SGCD: variants seen among roughly 807,000 people sequenced by gnomAD.
SGCD encodes the protein sarcoglycan delta.
In SGCD, 18 loss-of-function variants were observed where a neutral mutation model predicts 36.6. The ratio of observed to expected loss-of-function variants is 0.49; its 90% CI spans 0.34 to 0.73. The LOEUF is 0.73. Among genes scored for constraint, SGCD ranks in the 30% least tolerant of loss-of-function variants. The pLI is 0.01. For missense variants in SGCD, 387 were observed against 346.7 expected, an observed-to-expected ratio of 1.12 and a Z score of -0.92; for synonymous variants, 133 against 130.6, an observed-to-expected ratio of 1.02 and a Z score of -0.12.
Position 156,184,113 on chromosome 5 carries a change from G to A in SGCD, c.-44+60094G>A, listed in dbSNP as rs190101196. Reference sequence around the variant, plus strand: ...TACAGATGGGCCAAAATCATCTAACGTAAAGCCTGTTTTATAATAAAGTGT... The same window carrying A: ...TACAGATGGGCCAAAATCATCTAACATAAAGCCTGTTTTATAATAAAGTGT... On this transcript the variant is annotated intron_variant, in intron 3 of 9. Coordinates refer to the SGCD transcript ENST00000517913. Among the ~76,000 whole-genome samples the A allele has an allele frequency of 3.1e-3, 468 of 152,258 alleles. 1 individual carries two copies. The highest frequency in any genetic ancestry group is 0.014 in the Middle Eastern group (4 of 294).
the SGCD span, among the ~76,000 whole-genome samples, chr5:155,840,588 TTGTGTG>T: frequency 6.8e-6 from 1 of 146,978 alleles, no homozygotes; most frequent in Non-Finnish European, 1.5e-5. Flanking sequence ...TGCACCCGGC[TTGTGTG>T]TGTGTGTGTG....
intron 3 of SGCD, among the ~76,000 whole-genome samples, chr5:156,473,968 GT>G (rs113602671): frequency 0.054 from 7,817 of 144,174 alleles, 615 homozygotes; most frequent in African/African-American, 0.18. Flanking sequence ...TTGTGTGTGG[GT>G]TTTTTTTTTT....
chr5:156,239,206 A>G (rs1765240310), intron 3 of SGCD, among the ~76,000 whole-genome samples: 1 of 151,960 alleles, frequency 6.6e-6, no homozygotes. Context: ...TCAAGACCAG[A>G]CTGACCAACA....
chr5:155,953,538 A>G (rs1485601012), intron 1 of SGCD, among the ~76,000 whole-genome samples: 2 of 152,162 alleles, frequency 1.3e-5, no homozygotes, highest in Non-Finnish European at 2.9e-5. Context: ...TGCAAGCTCC[A>G]TGAGGCCAGT....
chr5:156,462,312 T>G (rs913514487), intron 3 of SGCD, among the ~76,000 whole-genome samples: 1 of 152,200 alleles, frequency 6.6e-6, no homozygotes, highest in African/African-American at 2.4e-5. Context: ...TATGTGCATG[T>G]ATATTTTTTT....
At chr5:156,447,954 GA>G in intron 3 of SGCD, among the ~76,000 whole-genome samples, 1 of 152,214 alleles carries the variant, frequency 6.6e-6, no homozygotes, top group Middle Eastern at 3.4e-3. Context: ...TACAGGAGGG[GA>G]AAATGAGGAT....
chr5:156,626,336 G>A (rs949302400), intron 6 of SGCD, among the ~76,000 whole-genome samples: 3 of 152,118 alleles, frequency 2.0e-5, no homozygotes, highest in African/African-American at 7.2e-5. Flanking sequence ...TGTAGTGCCC[G>A]GTGTCAGGCC....
intron 7 of SGCD, among the ~76,000 whole-genome samples, chr5:156,691,786 C>T (rs1754120552): frequency 1.3e-5 from 2 of 152,132 alleles, no homozygotes; most frequent in Non-Finnish European, 2.9e-5. Flanking sequence ...CCCCAGCAAC[C>T]GAATTAGCAT....
chr5:156,229,277 C>CATACATATATATATATATAT (rs1764942419), intron 3 of SGCD, among the ~76,000 whole-genome samples: 2 of 56,474 alleles, frequency 3.5e-5, no homozygotes, highest in East Asian at 3.0e-4. Flanking sequence ...TATATACATA[C>CATACATATATATATATATAT]ATATATATAT....
At chr5:156,574,356 TACAA>T (rs1759838679) in intron 4 of SGCD, among the ~76,000 whole-genome samples, 1 of 152,048 alleles carries the variant, frequency 6.6e-6, no homozygotes, top group Non-Finnish European at 1.5e-5. Context: ...AGTCCAGAGG[TACAA>T]ACATGATGCT....
chr5:155,946,541 T>G (rs1757440384), intron 1 of SGCD, among the ~76,000 whole-genome samples: 1 of 152,076 alleles, frequency 6.6e-6, no homozygotes. Flanking sequence ...TTAATGCAAA[T>G]AGGGTTGTGC....
chr5:156,482,321 T>C lies in SGCD; in HGVS notation c.193-26280T>C, dbSNP rs182791875. On this transcript the variant is annotated intron_variant, in intron 3 of 8. Transcript: ENST00000337851. ...ATGCTTAAATCTCCACTGTCCGATA[T>C]GGTAGCCACCAGCCACACACAGGAA... 1.1e-3 allele frequency among the ~76,000 whole-genome samples: 168 copies of C among 152,248 alleles called. 1 individual carries two copies. Among genetic ancestry groups the C allele is most frequent in the African/African-American group, 3.9e-3 (160 of 41,554 alleles).
At chr5:156,134,838 G>C (rs1762417538) in intron 3 of SGCD, among the ~76,000 whole-genome samples, 1 of 152,130 alleles carries the variant, frequency 6.6e-6, no homozygotes, top group Non-Finnish European at 1.5e-5. Flanking sequence ...AGAACTTGAA[G>C]TATAATAAAA....
At chr5:156,356,491 G>A (rs1769497085) in intron 3 of SGCD, among the ~76,000 whole-genome samples, 1 of 152,146 alleles carries the variant, frequency 6.6e-6, no homozygotes, top group African/African-American at 2.4e-5. Flanking sequence ...GAAGTGCATA[G>A]CATTGTTATG....
chr5:156,517,336 A>C (rs1361053079), intron 4 of SGCD, among the ~76,000 whole-genome samples: 3 of 152,198 alleles, frequency 2.0e-5, no homozygotes, highest in African/African-American at 7.2e-5. Flanking sequence ...GAACTATAGG[A>C]TTATGTAAAA....
the SGCD span, among the ~76,000 whole-genome samples, chr5:155,784,640 CTTTTTTTTTT>C: frequency 7.4e-6 from 1 of 134,568 alleles, no homozygotes; most frequent in Non-Finnish European, 1.6e-5. Context: ...GTAAGAGCTC[CTTTTTTTTTT>C]TTTTTTCCAT....
chr5:155,808,980 A>G, the SGCD span, among the ~76,000 whole-genome samples: 1 of 152,224 alleles, frequency 6.6e-6, no homozygotes, highest in Non-Finnish European at 1.5e-5. Context: ...TTTTCATTGC[A>G]TTAGCTACTG....
chr5:156,070,975 A>C (rs193025273), intron 1 of SGCD, among the ~76,000 whole-genome samples: 779 of 152,158 alleles, frequency 5.1e-3, no homozygotes, highest in Non-Finnish European at 7.0e-3. Context: ...ATCAGTGTTG[A>C]TATCCCCTTT....
Position 156,280,854 on chromosome 5 carries a change from G to C in SGCD, c.-43-48680G>C, listed in dbSNP as rs1766436038. ...TTCCTTTAATGCAGAGAATTTTTTA[G>C]AGTGAATTAGTTTTCCCACTGCATT... On this transcript the variant is annotated intron_variant, in intron 3 of 9. Coordinates refer to the SGCD transcript ENST00000517913. 2.0e-5 allele frequency among the ~76,000 whole-genome samples: 3 copies of C among 152,042 alleles called. No individual in the cohort carries two copies. The South Asian group carries it at 6.2e-4, about 32-fold the overall frequency.
Sources: allele counts gnomAD v4.1 joint callset (sites outside exome capture counted in the v4.1 genomes callset), GRCh38; gene constraint gnomAD v4.1.1; transcripts MANE v1.5; gene names NCBI Gene and HGNC (gene_info 2026-07-23, HGNC 2026-07-21).